The following SOS2 variants were observed in gnomAD, a reference collection of about 807,000 sequenced individuals.
SOS2 encodes SOS Ras/Rho guanine nucleotide exchange factor 2, also known as son of sevenless homolog 2.
A neutral mutation model predicts 148.2 loss-of-function variants in SOS2; 65 were observed. That is an observed-to-expected ratio of 0.44 (90% CI 0.36 to 0.54). The LOEUF is 0.54. SOS2 is among the 20% of genes least tolerant of loss of function. The pLI, the probability that SOS2 is intolerant of heterozygous loss-of-function variation, is 0.00. For missense variants in SOS2, 1,341 were observed against 1,590.2 expected (o/e 0.84, Z 2.67); for synonymous variants, 539 against 537.1 (o/e 1.00, Z -0.05).
At chr14:50,180,093 C>T (rs1885681528) in intron 7 of SOS2, among the ~76,000 whole-genome samples, 1 of 151,682 alleles carries the variant, frequency 6.6e-6, no homozygotes, top group Non-Finnish European at 1.5e-5. Context: ...CAACCTCCGC[C>T]TTCCGGGTCA....
At position 50,157,137 on chromosome 14, in the gene SOS2, A is replaced by C. The variant is rs750298172; in HGVS notation, c.1935-16T>G. On this transcript the variant is annotated splice_polypyrimidine_tract_variant and intron_variant, in intron 11 of 22. Coordinates refer to ENST00000216373, the MANE Select transcript of SOS2 (RefSeq NM_006939.4). ...AATTTCAAACCTAAGAAGAAAAGCA[A>C]AAGGAGAAAAATCCGTTCATACATA... The C allele has an allele frequency of 6.2e-7, 1 of 1,606,820 alleles. No homozygotes were observed. Among genetic ancestry groups the C allele is most frequent in the Non-Finnish European group, 8.5e-7 (1 of 1,176,824 alleles).
At chr14:50,156,915 A>C in intron 12 of SOS2, 84 bp downstream of exon 12, 1 of 762,360 alleles carries the variant, frequency 1.3e-6, no homozygotes, top group Non-Finnish European at 2.0e-6. Flanking sequence ...TGTTAACTAT[A>C]TATTGAAAAC....
chr14:50,182,442 T>C, intron 6 of SOS2, 21 bp downstream of exon 6: 5 of 1,609,692 alleles, frequency 3.1e-6, no homozygotes, highest in Non-Finnish European at 4.3e-6. Context: ...AATGAGAATA[T>C]AAGTAGTTTT....
intron 8 of SOS2, among the ~76,000 whole-genome samples, chr14:50,161,845 G>T (rs1885021992): frequency 2.0e-5 from 3 of 148,466 alleles, no homozygotes; most frequent in East Asian, 1.9e-4. Context: ...TGAGCTCCTG[G>T]GTTCTAATGA....
intron 16 of SOS2, among the ~76,000 whole-genome samples, chr14:50,143,334 A>AG (rs1244989858): frequency 6.6e-6 from 1 of 151,132 alleles, no homozygotes; most frequent in Non-Finnish European, 1.5e-5. Flanking sequence ...TTTAGGAAAA[A>AG]AAAAAAAAAA....
chr14:50,136,754 G>A (rs948949177), intron 18 of SOS2, among the ~76,000 whole-genome samples: 1 of 151,674 alleles, frequency 6.6e-6, no homozygotes, highest in Non-Finnish European at 1.5e-5. Flanking sequence ...CACACCCAGC[G>A]AATTTTTGTA....
intron 5 of SOS2, among the ~76,000 whole-genome samples, chr14:50,187,319 A>AATT (rs200578700): frequency 0.01 from 1,513 of 148,264 alleles, 28 homozygotes; most frequent in African/African-American, 0.033. Flanking sequence ...GGCCAAGACT[A>AATT]ATTATTATTA....
chr14:50,198,237 G>A (rs1217529631), intron 4 of SOS2, among the ~76,000 whole-genome samples: 2 of 151,688 alleles, frequency 1.3e-5, no homozygotes, highest in African/African-American at 2.4e-5. Context: ...GTAGCAGAAT[G>A]TTCTTGTTTA....
intron 1 of SOS2, among the ~76,000 whole-genome samples, chr14:50,206,937 C>T (rs919434610): frequency 1.3e-5 from 2 of 152,080 alleles, no homozygotes; most frequent in East Asian, 1.9e-4. Flanking sequence ...TCAAGCTATC[C>T]ACTCACCTCT....
chr14:50,202,024 G>A (rs1315099106), intron 2 of SOS2, among the ~76,000 whole-genome samples: 1 of 152,070 alleles, frequency 6.6e-6, no homozygotes, highest in East Asian at 1.9e-4. Context: ...GTGCAGTGGC[G>A]GGATCTCAGC....
intron 1 of SOS2, among the ~76,000 whole-genome samples, chr14:50,226,176 C>T (rs1887368604): frequency 6.6e-6 from 1 of 152,186 alleles, no homozygotes; most frequent in Non-Finnish European, 1.5e-5. Flanking sequence ...GGCGACGTAG[C>T]TTACACCTGT....
intron 1 of SOS2, among the ~76,000 whole-genome samples, chr14:50,218,545 A>G (rs556093435): frequency 6.6e-6 from 1 of 152,180 alleles, no homozygotes; most frequent in African/African-American, 2.4e-5. Flanking sequence ...CAAAAACAAA[A>G]ACAAAAAAAC....
chr14:50,146,996 A>C (rs986668637), intron 14 of SOS2, among the ~76,000 whole-genome samples: 4 of 151,950 alleles, frequency 2.6e-5, no homozygotes, highest in African/African-American at 9.7e-5. Context: ...AGGGTTTGAG[A>C]CTATCCTGGG....
intron 1 of SOS2, among the ~76,000 whole-genome samples, chr14:50,214,145 T>A (rs1283769031): frequency 6.6e-6 from 1 of 152,096 alleles, no homozygotes; most frequent in Non-Finnish European, 1.5e-5. Context: ...TATCTTTTTA[T>A]TTACATAAAT....
At chr14:50,184,667 G>A (rs1175435319) in intron 5 of SOS2, among the ~76,000 whole-genome samples, 1 of 151,920 alleles carries the variant, frequency 6.6e-6, no homozygotes, top group Admixed American at 6.6e-5. Flanking sequence ...ATTGGGGAAA[G>A]AGCCTGGGAA....
intron 5 of SOS2, among the ~76,000 whole-genome samples, chr14:50,188,055 T>C (rs1347995264): frequency 6.6e-6 from 1 of 152,204 alleles, no homozygotes; most frequent in African/African-American, 2.4e-5. Flanking sequence ...CACATGTTTA[T>C]AAAGCCCACA....
At chr14:50,172,434 C>CTTT (rs1885396838) in intron 8 of SOS2, among the ~76,000 whole-genome samples, 1 of 118,334 alleles carries the variant, frequency 8.5e-6, no homozygotes, top group Non-Finnish European at 1.6e-5. Context: ...TTTTTTTTTT[C>CTTT]TGAGATGGAG....
intron 1 of SOS2, among the ~76,000 whole-genome samples, chr14:50,206,179 GC>G (rs1255699325): frequency 6.6e-6 from 1 of 151,556 alleles, no homozygotes; most frequent in African/African-American, 2.4e-5. Flanking sequence ...ATGTTCTTTT[GC>G]CAACTTCTTG....
chr14:50,150,564 C>CTTT (rs11288068), intron 13 of SOS2, among the ~76,000 whole-genome samples: 1 of 138,290 alleles, frequency 7.2e-6, no homozygotes, highest in African/African-American at 2.7e-5. Flanking sequence ...GATTATTTTC[C>CTTT]TTTTTTTTTT....
Sources: allele counts gnomAD v4.1 joint callset (sites outside exome capture counted in the v4.1 genomes callset), GRCh38; gene constraint gnomAD v4.1.1; transcripts MANE v1.5; gene names NCBI Gene and HGNC (gene_info 2026-07-23, HGNC 2026-07-21).